The following WWOX variants were observed in gnomAD, a reference collection of about 807,000 sequenced individuals.
The protein encoded by WWOX is WW domain-containing oxidoreductase.
A neutral mutation model predicts 46.2 loss-of-function variants in WWOX; 69 were observed. The observed-to-expected ratio is 1.49, with a 90% CI of 1.23 to 1.82. WWOX has a LOEUF of 1.82. Among genes scored for constraint, WWOX ranks in the 40% most tolerant of loss-of-function variants. The pLI is 0.00. For synonymous variants in WWOX, 359 were observed against 202.6 expected (o/e 1.77, Z -6.56); for missense variants, 919 against 542.6 (o/e 1.69, Z -6.89).
intron 8 of WWOX, among the ~76,000 whole-genome samples, chr16:78,776,609 C>G (rs2050195943): frequency 6.6e-6 from 1 of 152,110 alleles, no homozygotes; most frequent in Non-Finnish European, 1.5e-5. Context: ...GTTTAGCTCA[C>G]TTTATTAGTC....
At chr16:78,936,004 C>G (rs1224164836) in intron 8 of WWOX, among the ~76,000 whole-genome samples, 1 of 152,056 alleles carries the variant, frequency 6.6e-6, no homozygotes, top group South Asian at 2.1e-4. Context: ...TTGCTGGATG[C>G]TGAAGTTCTG....
At chr16:79,024,059 A>G (rs2047588824) in intron 8 of WWOX, among the ~76,000 whole-genome samples, 1 of 152,234 alleles carries the variant, frequency 6.6e-6, no homozygotes, top group African/African-American at 2.4e-5. Context: ...AGGCACCTCC[A>G]AAGAGACAGA....
intron 8 of WWOX, among the ~76,000 whole-genome samples, chr16:78,695,889 G>T (rs2048088192): frequency 6.6e-6 from 1 of 152,226 alleles, no homozygotes; most frequent in Admixed American, 6.5e-5. Context: ...CACTGAATTA[G>T]ACCAGGGGTT....
chr16:78,627,675 A>G (rs1374705375), intron 8 of WWOX, among the ~76,000 whole-genome samples: 3 of 152,248 alleles, frequency 2.0e-5, no homozygotes, highest in Non-Finnish European at 4.4e-5. Flanking sequence ...TGACAGGGAC[A>G]AGAAATAAAT....
chr16:78,278,841 A>T, intron 5 of WWOX: 2 of 606,170 alleles, frequency 3.3e-6, no homozygotes, highest in South Asian at 2.1e-5. Context: ...ATGCTTTACG[A>T]CTCTTCAGGT....
At chr16:78,671,814 A>T (rs1170584036) in intron 8 of WWOX, among the ~76,000 whole-genome samples, 3 of 152,216 alleles carry the variant, frequency 2.0e-5, no homozygotes, top group Non-Finnish European at 4.4e-5. Context: ...ATAAAAAGGG[A>T]TCAAGATATG....
chr16:78,704,357 A>T (rs996876497), intron 8 of WWOX, among the ~76,000 whole-genome samples: 2 of 152,058 alleles, frequency 1.3e-5, no homozygotes, highest in African/African-American at 4.8e-5. Context: ...TTCCCTTCTC[A>T]TTCATCTGCA....
intron 8 of WWOX, among the ~76,000 whole-genome samples, chr16:78,919,072 C>G (rs770868073): frequency 6.6e-6 from 1 of 152,116 alleles, no homozygotes; most frequent in Non-Finnish European, 1.5e-5. Context: ...GGGGCTGTTC[C>G]TGTTCCTCAT....
At chr16:79,150,939 T>A (rs1218969963) in intron 8 of WWOX, among the ~76,000 whole-genome samples, 2 of 152,152 alleles carry the variant, frequency 1.3e-5, no homozygotes, top group Non-Finnish European at 2.9e-5. Context: ...GTAGAAGACT[T>A]TTTCAGCCTA....
Position 78,979,025 on chromosome 16 carries a change from C to G in WWOX, c.1057-232583C>G, listed in dbSNP as rs186353652. ...TATGAGGACCAGCATCGACCTTCAT[C>G]AGCATCTGCTCTCCTTTACGGCCAG... On this transcript the variant is annotated intron_variant, in intron 8 of 8. Coordinates refer to ENST00000566780, the MANE Select transcript of WWOX (RefSeq NM_016373.4). 1.6e-3 allele frequency among the ~76,000 whole-genome samples: 245 copies of G among 152,136 alleles called. 5 individuals are homozygous for G. The highest frequency in any genetic ancestry group is 5.6e-3 in the African/African-American group (232 of 41,522).
At chr16:78,324,957 G>T (rs894372934) in intron 5 of WWOX, among the ~76,000 whole-genome samples, 1 of 152,176 alleles carries the variant, frequency 6.6e-6, no homozygotes, top group African/African-American at 2.4e-5. Context: ...TAAAAAATCT[G>T]AAAGTGTCAA....
In WWOX at chr16:78,123,448, TTTTTTTGTTTTTTTTTTTTG is replaced by T. The variant is rs1213269750; in HGVS notation, c.409+8301_409+8320del. ...TCTTTGTTTTTTGTTTTGTTTTTTT[TTTTTTTGTTTTTTTTTTTTG>T]TTTTTTTGAGATGAAGTCTTCCTCT... On this transcript the variant is annotated intron_variant, in intron 4 of 8. Coordinates refer to ENST00000566780, the MANE Select transcript of WWOX (RefSeq NM_016373.4). The T allele has an allele frequency of 8.4e-3, 214 of 25,508 alleles. 14 individuals carry two copies. Among genetic ancestry groups the T allele is most frequent in the African/African-American group, 0.035 (188 of 5,402 alleles). 1.6% of individuals were successfully genotyped at this position (25,508 alleles called of 1,614,324 possible).
intron 8 of WWOX, among the ~76,000 whole-genome samples, chr16:78,841,147 T>C (rs954391927): frequency 1.3e-5 from 2 of 152,298 alleles, no homozygotes; most frequent in South Asian, 2.1e-4. Flanking sequence ...CCTGTGCTTA[T>C]ACAGATACAC....
At chr16:78,790,111 T>C (rs964189932) in intron 8 of WWOX, among the ~76,000 whole-genome samples, 9 of 152,136 alleles carry the variant, frequency 5.9e-5, no homozygotes, top group Non-Finnish European at 1.0e-4. Flanking sequence ...AGTACTGTTA[T>C]TGTTTCAGGA....
intron 8 of WWOX, among the ~76,000 whole-genome samples, chr16:78,488,439 C>G (rs1351341020): frequency 2.0e-5 from 3 of 151,942 alleles, no homozygotes; most frequent in Non-Finnish European, 2.9e-5. Context: ...TTTTAGGACC[C>G]AAGAGTGCTG....
chr16:78,418,667 A>G (rs2082855512), intron 6 of WWOX, among the ~76,000 whole-genome samples: 2 of 152,196 alleles, frequency 1.3e-5, no homozygotes, highest in Admixed American at 6.5e-5. Flanking sequence ...AAATCAGTCA[A>G]TATAATATAA....
chr16:78,326,585 CCCCCG>C (rs2080627300), intron 5 of WWOX, among the ~76,000 whole-genome samples: 1 of 103,592 alleles, frequency 9.7e-6, no homozygotes, highest in African/African-American at 4.2e-5. Flanking sequence ...CCGCCCCCCC[CCCCCG>C]CAATGCCTCA....
intron 5 of WWOX, among the ~76,000 whole-genome samples, chr16:78,185,266 A>G (rs2035662601): frequency 6.6e-6 from 1 of 152,128 alleles, no homozygotes; most frequent in Admixed American, 6.5e-5. Flanking sequence ...CTGTTATTTA[A>G]TTGATGTTCT....
intron 5 of WWOX, among the ~76,000 whole-genome samples, chr16:78,177,760 G>A (rs180770239): frequency 1.6e-4 from 24 of 152,342 alleles, no homozygotes; most frequent in African/African-American, 2.2e-4. Context: ...GACTGAGATA[G>A]ACAGACATTT....
Sources: gnomAD v4.1 joint callset for allele counts (sites outside exome capture counted in the v4.1 genomes callset) on GRCh38, gnomAD v4.1.1 for gene constraint, MANE v1.5 for transcripts, NCBI Gene and HGNC (gene_info 2026-07-23, HGNC 2026-07-21) for gene names.